Variants in GRM8 observed in about 807,000 individuals in gnomAD.
The protein encoded by GRM8 is glutamate metabotropic receptor 8.
A neutral mutation model predicts 87.2 loss-of-function variants in GRM8; 47 were observed. That is an observed-to-expected ratio of 0.54 (90% CI 0.43 to 0.69). The LOEUF (loss-of-function observed/expected upper bound fraction) is 0.69. GRM8 is among the 30% of genes least tolerant of loss of function. The pLI, the probability that GRM8 is intolerant of heterozygous loss-of-function variation, is 0.00. For synonymous variants in GRM8, 396 were observed against 404.5 expected (o/e 0.98, Z 0.25); for missense variants, 1,019 against 1,139.2 (o/e 0.89, Z 1.52).
At position 126,946,404 on chromosome 7, in the gene GRM8, G is replaced by C. The variant is rs1158527812; in HGVS notation, c.728-41721C>G. Among the ~76,000 whole-genome samples, 4 of 152,188 alleles carry C rather than the reference G, an allele frequency of 2.6e-5. No individual in the cohort carries two copies. The East Asian group carries it at 7.7e-4, about 29-fold the overall frequency. On this transcript the variant is annotated intron_variant, in intron 3 of 10. Transcript: ENST00000339582. ...TGGTTGGAGCTACTTGGGAGACTGA[G>C]ATCAGAGGATCACTTGGGCCTAATA...
chr7:127,020,996 T>C (rs1039736637), intron 3 of GRM8, among the ~76,000 whole-genome samples: 3 of 152,030 alleles, frequency 2.0e-5, no homozygotes, highest in African/African-American at 4.8e-5. Context: ...AGATAAGCGA[T>C]TGTGTGATGT....
At chr7:127,003,963 T>G (rs1365344972) in intron 3 of GRM8, among the ~76,000 whole-genome samples, 1 of 151,720 alleles carries the variant, frequency 6.6e-6, no homozygotes, top group Non-Finnish European at 1.5e-5. Context: ...ATACTTACAT[T>G]AATTAATTGT....
chr7:126,773,552 T>C (rs1191793938), intron 6 of GRM8, among the ~76,000 whole-genome samples: 3 of 152,308 alleles, frequency 2.0e-5, no homozygotes, highest in African/African-American at 7.2e-5. Context: ...TAATATATTA[T>C]CATTTTATTT....
At chr7:127,218,764 T>G (rs1157237274) in intron 2 of GRM8, among the ~76,000 whole-genome samples, 2 of 152,136 alleles carry the variant, frequency 1.3e-5, no homozygotes, top group African/African-American at 4.8e-5. Flanking sequence ...TGACAGTGGG[T>G]CAGTAGTGTT....
chr7:127,159,772 G>T (rs1792985454), intron 2 of GRM8, among the ~76,000 whole-genome samples: 1 of 151,624 alleles, frequency 6.6e-6, no homozygotes, highest in Non-Finnish European at 1.5e-5. Context: ...TATTTAAATG[G>T]CAAATAAACC....
chr7:126,493,378 G>A (rs1040555071), intron 9 of GRM8, among the ~76,000 whole-genome samples: 1 of 152,062 alleles, frequency 6.6e-6, no homozygotes, highest in African/African-American at 2.4e-5. Context: ...CAGTGACCAT[G>A]AGGCTTAGGC....
intron 6 of GRM8, among the ~76,000 whole-genome samples, chr7:126,858,464 C>T (rs1797873592): frequency 6.6e-6 from 1 of 152,160 alleles, no homozygotes; most frequent in Non-Finnish European, 1.5e-5. Context: ...TCAAGCCACA[C>T]TGGCTTCTGT....
intron 3 of GRM8, among the ~76,000 whole-genome samples, chr7:126,976,953 C>T (rs1811054826): frequency 6.6e-6 from 1 of 150,978 alleles, no homozygotes; most frequent in Admixed American, 6.6e-5. Context: ...ATGAATGCAA[C>T]ACCTATTTTC....
intron 2 of GRM8, among the ~76,000 whole-genome samples, chr7:127,192,288 G>C (rs1795068330): frequency 1.3e-5 from 2 of 152,206 alleles, no homozygotes; most frequent in Non-Finnish European, 2.9e-5. Context: ...GCTAACCAAA[G>C]TTTGTTACAG....
chr7:127,040,880 AACAAACAGT>A, intron 3 of GRM8, among the ~76,000 whole-genome samples: 1 of 152,334 alleles, frequency 6.6e-6, no homozygotes, highest in East Asian at 1.9e-4. Context: ...GAATGGGAAA[AACAAACAGT>A]ACATGAATAG....
intron 6 of GRM8, among the ~76,000 whole-genome samples, chr7:126,898,250 G>A (rs569535819): frequency 6.6e-5 from 10 of 152,176 alleles, no homozygotes; most frequent in East Asian, 1.9e-4. Context: ...ACCTCTACTC[G>A]TGAATATCCT....
intron 6 of GRM8, among the ~76,000 whole-genome samples, chr7:126,810,219 G>A (rs1327545429): frequency 6.6e-6 from 1 of 152,028 alleles, no homozygotes. Flanking sequence ...ATTGACTAGG[G>A]CTTCAATAAA....
At chr7:126,452,974 G>A (rs958529434) in intron 9 of GRM8, among the ~76,000 whole-genome samples, 4 of 151,310 alleles carry the variant, frequency 2.6e-5, no homozygotes, top group Non-Finnish European at 1.5e-5. Flanking sequence ...TTGACAACCT[G>A]TTCTCTATTC....
chr7:126,911,261 A>G (rs763295118), intron 3 of GRM8, among the ~76,000 whole-genome samples: 1 of 152,170 alleles, frequency 6.6e-6, no homozygotes, highest in Non-Finnish European at 1.5e-5. Flanking sequence ...ACTCTTCATC[A>G]TTGTTGATTA....
chr7:126,984,490 C>T (rs1334092523), intron 3 of GRM8, among the ~76,000 whole-genome samples: 1 of 152,184 alleles, frequency 6.6e-6, no homozygotes, highest in East Asian at 1.9e-4. Context: ...ACTGGCCTAG[C>T]CTCCCAGCCT....
At chr7:126,833,081 T>C (rs1184332043) in intron 6 of GRM8, among the ~76,000 whole-genome samples, 1 of 151,894 alleles carries the variant, frequency 6.6e-6, no homozygotes, top group Non-Finnish European at 1.5e-5. Flanking sequence ...ACATAAGGAG[T>C]CTTGAACAAT....
At chr7:127,154,200 T>C (rs77582732) in intron 2 of GRM8, among the ~76,000 whole-genome samples, 495 of 152,212 alleles carry the variant, frequency 3.3e-3, no homozygotes, top group Middle Eastern at 0.01. Context: ...CAAAAGGCAC[T>C]TTTCCTTGGA....
chr7:127,147,961 A>G (rs922028166), intron 2 of GRM8, among the ~76,000 whole-genome samples: 3 of 152,060 alleles, frequency 2.0e-5, no homozygotes, highest in Admixed American at 2.0e-4. Flanking sequence ...CAACACATTA[A>G]TGTGGCCCAT....
intron 6 of GRM8, among the ~76,000 whole-genome samples, chr7:126,898,815 GGTTT>G (rs1801789528): frequency 6.6e-6 from 1 of 152,112 alleles, no homozygotes; most frequent in South Asian, 2.1e-4. Flanking sequence ...AGAACGTGCA[GGTTT>G]GTTACATAGG....
Sources: gnomAD v4.1 joint callset for allele counts (sites outside exome capture counted in the v4.1 genomes callset) on GRCh38, gnomAD v4.1.1 for gene constraint, MANE v1.5 for transcripts, NCBI Gene and HGNC (gene_info 2026-07-23, HGNC 2026-07-21) for gene names.